The following PRLR variants were observed in gnomAD, a reference collection of about 807,000 sequenced individuals.
The protein encoded by PRLR is prolactin receptor, also known as hPRL receptor.
PRLR carries 13 observed loss-of-function variants against 40.2 expected under a neutral mutation model. The observed-to-expected ratio is 0.32, with a 90% CI of 0.21 to 0.51. The LOEUF (loss-of-function observed/expected upper bound fraction) is 0.51. PRLR is among the 20% of genes least tolerant of loss of function. The probability of loss-of-function intolerance (pLI) is 0.97; values close to 1 mark genes in which losing one functional copy is unlikely to be tolerated. For synonymous variants in PRLR, 269 were observed against 278.7 expected (o/e 0.97, Z 0.35); for missense variants, 656 against 747.3 (o/e 0.88, Z 1.42).
chr5:35,076,700 C>A (rs921913369), intron 5 of PRLR, among the ~76,000 whole-genome samples: 1 of 152,132 alleles, frequency 6.6e-6, no homozygotes, highest in Non-Finnish European at 1.5e-5. Flanking sequence ...GAGAATGCCA[C>A]AAAGGTACTC....
At chr5:35,071,748 C>T (rs1370168651) in intron 6 of PRLR, among the ~76,000 whole-genome samples, 1 of 152,164 alleles carries the variant, frequency 6.6e-6, no homozygotes, top group Admixed American at 6.5e-5. Flanking sequence ...CAGGCACTCA[C>T]CACCATGCCT....
At chr5:35,179,825 A>G (rs1392908524) in intron 1 of PRLR, among the ~76,000 whole-genome samples, 1 of 152,068 alleles carries the variant, frequency 6.6e-6, no homozygotes. Context: ...GGCACCAGGG[A>G]TTGGTTTTGT....
chr5:35,139,531 C>T (rs1454751890), intron 1 of PRLR, among the ~76,000 whole-genome samples: 20 of 152,116 alleles, frequency 1.3e-4, no homozygotes, highest in Admixed American at 1.2e-3. Flanking sequence ...GAAAAAACCC[C>T]ACATACTATA....
chr5:35,201,142 T>G (rs762602570), intron 1 of PRLR, among the ~76,000 whole-genome samples: 1 of 152,104 alleles, frequency 6.6e-6, no homozygotes, highest in Non-Finnish European at 1.5e-5. Context: ...TACTCAAAAT[T>G]ATGAAGATTA....
At chr5:35,080,032 T>G (rs2112437661) in intron 5 of PRLR, among the ~76,000 whole-genome samples, 1 of 152,238 alleles carries the variant, frequency 6.6e-6, no homozygotes, top group South Asian at 2.1e-4. Flanking sequence ...TATACAAAAA[T>G]TAATTCAAGA....
rs1428345980 is a variant in PRLR at position 35,062,029 on chromosome 5, A to C, written c.*3060T>G. 6.6e-6 allele frequency: 1 copy of C among 152,196 alleles called. No homozygotes were observed. The highest frequency in any genetic ancestry group is 1.5e-5 in the Non-Finnish European group (1 of 68,036). The allele number at this position is 152,196 out of a possible 1,614,324, so 9.4% of individuals were successfully genotyped here. A position where few individuals can be genotyped will look rare whatever the true frequency, so the allele number is the denominator to read the frequency against. ...TGCCTCTTTCTACACATATATTTGCACATAATCTTAGAATATGATTCTGTA... is the reference window on the plus strand; with the variant it reads ...TGCCTCTTTCTACACATATATTTGCCCATAATCTTAGAATATGATTCTGTA... On this transcript the variant is annotated 3_prime_UTR_variant, in exon 10 of 10. Coordinates refer to ENST00000618457, the MANE Select transcript of PRLR (RefSeq NM_000949.7).
At chr5:35,120,663 G>A (rs953550056) in intron 1 of PRLR, among the ~76,000 whole-genome samples, 4 of 152,066 alleles carry the variant, frequency 2.6e-5, no homozygotes, top group African/African-American at 9.7e-5. Flanking sequence ...CTGATCTCTG[G>A]TCACATTATT....
In PRLR at chr5:35,193,589, T is replaced by C. The variant is rs116314022; in HGVS notation, c.-106+36679A>G. Reference sequence around the variant, plus strand: ...ATTCTGACTGGCAGGTTCCTATTGGTCCTGCAATCTTTAGGTGAATTGTCA... The same window carrying C: ...ATTCTGACTGGCAGGTTCCTATTGGCCCTGCAATCTTTAGGTGAATTGTCA... On this transcript the variant is annotated intron_variant, in intron 1 of 9. Transcript: ENST00000618457. 7.1e-3 allele frequency among the ~76,000 whole-genome samples: 1,082 copies of C among 152,278 alleles called. 14 individuals are homozygous for C. The highest frequency in any genetic ancestry group is 0.025 in the African/African-American group (1,020 of 41,544).
intron 1 of PRLR, among the ~76,000 whole-genome samples, chr5:35,187,029 G>A (rs1775456708): frequency 6.6e-6 from 1 of 152,070 alleles, no homozygotes; most frequent in Non-Finnish European, 1.5e-5. Flanking sequence ...CAAAGTTCTG[G>A]CCCCTCTATT....
intron 1 of PRLR, among the ~76,000 whole-genome samples, chr5:35,230,000 T>C (rs1231916401): frequency 6.6e-6 from 1 of 152,178 alleles, no homozygotes; most frequent in Non-Finnish European, 1.5e-5. Context: ...AAGCTGGGGT[T>C]GGGGGCAGTG....
intron 1 of PRLR, among the ~76,000 whole-genome samples, chr5:35,184,606 T>C: frequency 1.3e-5 from 2 of 152,340 alleles, no homozygotes; most frequent in Admixed American, 1.3e-4. Context: ...ATCAGGCATG[T>C]GCATGGGATC....
chr5:35,091,437 G>T (rs1771205270), intron 2 of PRLR, among the ~76,000 whole-genome samples: 1 of 152,174 alleles, frequency 6.6e-6, no homozygotes, highest in South Asian at 2.1e-4. Flanking sequence ...CATCACAACA[G>T]CCCCGTGAGC....
chr5:35,101,685 AAC>A (rs985136896), intron 2 of PRLR, among the ~76,000 whole-genome samples: 2 of 150,638 alleles, frequency 1.3e-5, no homozygotes, highest in African/African-American at 4.9e-5. Context: ...CAGGAATGAA[AAC>A]ACATATATAT....
At chr5:35,159,541 G>C (rs1039972527) in intron 1 of PRLR, among the ~76,000 whole-genome samples, 1 of 152,094 alleles carries the variant, frequency 6.6e-6, no homozygotes, top group Non-Finnish European at 1.5e-5. Context: ...ATGTTTGGCC[G>C]TTAAGCAAGC....
At chr5:35,215,169 A>G (rs1476458175) in intron 1 of PRLR, among the ~76,000 whole-genome samples, 1 of 152,204 alleles carries the variant, frequency 6.6e-6, no homozygotes, top group Non-Finnish European at 1.5e-5. Flanking sequence ...ATTGGCTGTC[A>G]TGTGGTAAGC....
At chr5:35,215,855 C>T (rs1776273102) in intron 1 of PRLR, among the ~76,000 whole-genome samples, 1 of 142,902 alleles carries the variant, frequency 7.0e-6, no homozygotes, top group Non-Finnish European at 1.5e-5. Context: ...ATGGTGAAAT[C>T]CTGTCTCTAC....
intron 1 of PRLR, among the ~76,000 whole-genome samples, chr5:35,158,768 G>A (rs1263281422): frequency 6.6e-6 from 1 of 152,102 alleles, no homozygotes; most frequent in Admixed American, 6.6e-5. Flanking sequence ...TGAGCTGCAA[G>A]GAACTTAGGA....
chr5:35,156,068 A>T (rs528131208), intron 1 of PRLR, among the ~76,000 whole-genome samples: 14 of 150,448 alleles, frequency 9.3e-5, no homozygotes, highest in African/African-American at 3.5e-4. Context: ...GTTTACTGCC[A>T]TGTTACCAAA....
intron 2 of PRLR, 137 bp from the exon 3 acceptor site, chr5:35,089,800 G>A (rs1771088629): frequency 1.6e-6 from 1 of 606,220 alleles, no homozygotes; most frequent in South Asian, 2.0e-5. Context: ...AAGGAATGTA[G>A]GAAAATGTAA....
Sources: gnomAD v4.1 joint callset for allele counts (sites outside exome capture counted in the v4.1 genomes callset) on GRCh38, gnomAD v4.1.1 for gene constraint, MANE v1.5 for transcripts, NCBI Gene and HGNC (gene_info 2026-07-23, HGNC 2026-07-21) for gene names.